Variants in RBPMS2 observed in about 807,000 individuals in gnomAD.
RBPMS2 encodes the protein RNA binding protein, mRNA processing factor 2.
A neutral mutation model predicts 25.7 loss-of-function variants in RBPMS2; 14 were observed. The ratio of observed to expected loss-of-function variants is 0.55; its 90% CI spans 0.36 to 0.85. RBPMS2 has a LOEUF of 0.85. RBPMS2 is among the 40% of genes least tolerant of loss of function. RBPMS2 has a pLI of 0.01. For missense variants in RBPMS2, 252 were observed against 283.4 expected (o/e 0.89, Z 0.80); for synonymous variants, 127 against 115.6 (o/e 1.10, Z -0.63).
At position 64,748,512 on chromosome 15, in the gene RBPMS2, G is replaced by A. The variant is rs2083640843; in HGVS notation, c.474C>T (p.Tyr158=). ...IPASPEAWAP[Y]PLYTTELTPA... ...GGGTCAGCTCTGTGGTGTACAAAGG[G>A]TAGGGGGCCCAGGCCTCTGGGGATG... The change falls in exon 6 of 8, where the codon TAC becomes TAT. Residue 158 remains tyrosine (Y), a synonymous_variant. Transcript: ENST00000300069. The A allele has an allele frequency of 6.2e-7, 1 of 1,611,266 alleles. No homozygotes were observed. Among genetic ancestry groups the A allele is most frequent in the Non-Finnish European group, 8.5e-7 (1 of 1,178,470 alleles).
rs367588995 is a variant in RBPMS2, at chr15:64,749,081, C to A, written c.337G>T (p.Ala113Ser). ...GGAGTTGCCATTAGCTTGCTCTTGG[C>A]CATCTTGGTGTTGGCTTTGGCAAAC... ...LEFAKANTKM[A>S]KSKLMATPNP... The change falls in exon 5 of 8, where the codon GCC (alanine) becomes TCC (serine). Residue 113 changes from alanine to serine, a missense_variant. Ala to Ser is a moderately conservative substitution (Grantham distance 99). Coordinates refer to ENST00000300069, the MANE Select transcript of RBPMS2 (RefSeq NM_194272.3). The A allele has an allele frequency of 6.2e-7, 1 of 1,614,050 alleles. No individual in the cohort carries two copies.
chr15:64,740,901 G>A lies in RBPMS2; in HGVS notation c.*107C>T, dbSNP rs1053382327. 5 of 360,630 alleles carry A rather than the reference G, an allele frequency of 1.4e-5. No individual in the cohort carries two copies. Among genetic ancestry groups the A allele is most frequent in the Non-Finnish European group, 2.6e-5 (5 of 193,922 alleles). The allele number at this position is 360,630 out of a possible 1,614,324, so 22.3% of individuals were successfully genotyped here. A position where few individuals can be genotyped will look rare whatever the true frequency, so the allele number is the denominator to read the frequency against. On this transcript the variant is annotated 3_prime_UTR_variant, in exon 8 of 8. Coordinates refer to ENST00000300069, the MANE Select transcript of RBPMS2 (RefSeq NM_194272.3). ...GGCTTGGGATTCACAGTCTCTGGAGGGCAGCAGCTCTGTGCAGGCCGCCCG... is the reference window on the plus strand; with the variant it reads ...GGCTTGGGATTCACAGTCTCTGGAGAGCAGCAGCTCTGTGCAGGCCGCCCG...
intron 1 of RBPMS2, among the ~76,000 whole-genome samples, chr15:64,765,406 T>A (rs1186721360): frequency 1.5e-5 from 2 of 134,730 alleles, no homozygotes; most frequent in African/African-American, 5.7e-5. Flanking sequence ...AGAGCAAGAC[T>A]CCGTCTCAAA....
intron 1 of RBPMS2, among the ~76,000 whole-genome samples, chr15:64,769,442 GA>G (rs1182759611): frequency 9.7e-6 from 1 of 103,152 alleles, no homozygotes; most frequent in African/African-American, 3.1e-5. Flanking sequence ...AAAAAAAAAA[GA>G]ATTTAAAAAA....
intron 6 of RBPMS2, among the ~76,000 whole-genome samples, chr15:64,742,108 T>G (rs2083568409): frequency 6.6e-6 from 1 of 151,970 alleles, no homozygotes; most frequent in Non-Finnish European, 1.5e-5. Context: ...GAGGTTGCAG[T>G]GAGTTGAGAT....
chr15:64,750,128 G>A (rs1040712254), intron 3 of RBPMS2, among the ~76,000 whole-genome samples: 8 of 152,074 alleles, frequency 5.3e-5, no homozygotes, highest in Non-Finnish European at 1.2e-4. Flanking sequence ...AGATTCCTAA[G>A]AAACAGACAG....
At chr15:64,768,514 T>C (rs1472469453) in intron 1 of RBPMS2, among the ~76,000 whole-genome samples, 1 of 151,998 alleles carries the variant, frequency 6.6e-6, no homozygotes, top group Non-Finnish European at 1.5e-5. Context: ...AGCGGGTGCC[T>C]GTAACCCCAG....
chr15:64,760,716 C>T (rs1404878918), intron 1 of RBPMS2, among the ~76,000 whole-genome samples: 2 of 151,848 alleles, frequency 1.3e-5, no homozygotes, highest in African/African-American at 4.8e-5. Flanking sequence ...CTGGAGAAAT[C>T]GCTTGAACCC....
chr15:64,746,244 G>A lies in RBPMS2; in HGVS notation c.567+2175C>T, dbSNP rs563662779. Among the ~76,000 whole-genome samples the A allele has an allele frequency of 7.9e-5, 12 of 152,156 alleles. No individual in the cohort carries two copies. In the South Asian group the frequency reaches 2.5e-3, roughly 32 times the overall value. ...CCCATTAGCCTGCCTCCCCAAAAAC[G>A]CCACTATCCTTTGGGGTGGGTGGCC... is the stretch of plus-strand genomic sequence containing the variant. On this transcript the variant is annotated intron_variant, in intron 6 of 7. Coordinates refer to ENST00000300069, the MANE Select transcript of RBPMS2 (RefSeq NM_194272.3).
At chr15:64,747,700 G>A (rs950723634) in intron 6 of RBPMS2, among the ~76,000 whole-genome samples, 6 of 152,248 alleles carry the variant, frequency 3.9e-5, no homozygotes, top group East Asian at 1.9e-4. Context: ...CAGAGGAAGC[G>A]CCTGCATGGC....
rs924683646 is a variant in RBPMS2, at chr15:64,740,044, C to CA, written c.*963dup. 2 of 152,572 alleles carry CA rather than the reference C, an allele frequency of 1.3e-5. No individual in the cohort carries two copies. Among genetic ancestry groups the CA allele is most frequent in the African/African-American group, 4.8e-5 (2 of 41,444 alleles). The allele number at this position is 152,572 out of a possible 1,614,324, so 9.5% of individuals were successfully genotyped here. The stretch of plus-strand genomic sequence containing the variant: ...CAGTAAAGCACTGATATGCTCAAAA[C>CA]AAAAAACATTGCACAGTGTTTCCTT... On this transcript the variant is annotated 3_prime_UTR_variant, in exon 8 of 8. Coordinates refer to ENST00000300069, the MANE Select transcript of RBPMS2 (RefSeq NM_194272.3).
chr15:64,772,317 G>C (rs1219123529), intron 1 of RBPMS2, among the ~76,000 whole-genome samples: 2 of 152,198 alleles, frequency 1.3e-5, no homozygotes, highest in East Asian at 3.8e-4. Flanking sequence ...ACAGGTTCAT[G>C]TACTGTATTA....
At chr15:64,746,990 C>T (rs981948190) in intron 6 of RBPMS2, among the ~76,000 whole-genome samples, 1 of 152,204 alleles carries the variant, frequency 6.6e-6, no homozygotes, top group Non-Finnish European at 1.5e-5. Context: ...ACAGGATGAG[C>T]TTCCCTGCTC....
At chr15:64,750,944 A>G (rs2083672164) in intron 2 of RBPMS2, among the ~76,000 whole-genome samples, 1 of 152,124 alleles carries the variant, frequency 6.6e-6, no homozygotes, top group Admixed American at 6.5e-5. Flanking sequence ...AGGCAGAGGC[A>G]GGAGAATCGC....
chr15:64,742,156 A>T (rs1399791490), intron 6 of RBPMS2, among the ~76,000 whole-genome samples: 2 of 151,996 alleles, frequency 1.3e-5, no homozygotes. Context: ...CAAGAACAAA[A>T]CTCCGTCTCC....
chr15:64,740,859 A>G lies in RBPMS2; in HGVS notation c.*149T>C. The G allele has an allele frequency of 3.9e-6, 1 of 254,368 alleles. No individual in the cohort carries two copies. Among genetic ancestry groups the G allele is most frequent in the Non-Finnish European group, 7.7e-6 (1 of 129,662 alleles). 15.8% of individuals were successfully genotyped at this position (254,368 alleles called of 1,614,324 possible). A position where few individuals can be genotyped will look rare whatever the true frequency, so the allele number is the denominator to read the frequency against. ...AGGAAGAGGAGGGAGGGGAACAGGA[A>G]GCAGTCCACTGAGTCAGGCTTGGGA... On this transcript the variant is annotated 3_prime_UTR_variant, in exon 8 of 8. Coordinates refer to ENST00000300069, the MANE Select transcript of RBPMS2 (RefSeq NM_194272.3).
chr15:64,774,169 G>T (rs910260959), intron 1 of RBPMS2, among the ~76,000 whole-genome samples: 1 of 152,166 alleles, frequency 6.6e-6, no homozygotes, highest in Non-Finnish European at 1.5e-5. Context: ...TCCACACCAG[G>T]GGCTCTGCGG....
intron 1 of RBPMS2, among the ~76,000 whole-genome samples, chr15:64,773,837 A>G (rs894759177): frequency 3.9e-5 from 6 of 152,168 alleles, no homozygotes; most frequent in Non-Finnish European, 7.3e-5. Context: ...GGAGATTCTA[A>G]CAGCCAGGTA....
At chr15:64,775,037 T>C (rs1350704098) in intron 1 of RBPMS2, among the ~76,000 whole-genome samples, 196 bp downstream of exon 1, 2 of 150,542 alleles carry the variant, frequency 1.3e-5, no homozygotes, top group Non-Finnish European at 3.0e-5. Flanking sequence ...ACAATGCCTG[T>C]CCGGCGGGGC....
Sources: gnomAD v4.1 joint callset for allele counts (sites outside exome capture counted in the v4.1 genomes callset) on GRCh38, gnomAD v4.1.1 for gene constraint, MANE v1.5 for transcripts, NCBI Gene and HGNC (gene_info 2026-07-23, HGNC 2026-07-21) for gene names.